GLDC: variants seen among roughly 807,000 people sequenced by gnomAD.
GLDC encodes the protein glycine dehydrogenase (decarboxylating), mitochondrial.
A neutral mutation model predicts 121.3 loss-of-function variants in GLDC; 104 were observed. The observed-to-expected ratio is 0.86, with a 90% CI of 0.73 to 1.01. The LOEUF (loss-of-function observed/expected upper bound fraction) is 1.01, where lower values mean the gene tolerates loss of function less well. Among genes scored for constraint, GLDC ranks in the 50% least tolerant of loss-of-function variants. The pLI is 0.00. For synonymous variants in GLDC, 546 were observed against 480.6 expected (o/e 1.14, Z -1.78); for missense variants, 1,429 against 1,306.6 (o/e 1.09, Z -1.44).
rs1383581989 is a variant in GLDC at position 6,595,118 on chromosome 9, G to A, written c.1157C>T (p.Ala386Val). The change falls in exon 9 of 25, where the codon GCC becomes GTC. Residue 386 changes from alanine (A) to valine (V), a missense_variant and splice_region_variant. Coordinates refer to ENST00000321612, the MANE Select transcript of GLDC (RefSeq NM_000170.3). The stretch of plus-strand genomic sequence containing the variant: ...CATGGCAGCCATATTCGCCAAGAGG[G>A]CCTAAAAGATAAGAACATTTAAAGA... The part of the protein sequence containing the change: ...KATSNICTAQ[A>V]LLANMAAMFA... The A allele has an allele frequency of 6.3e-7, 1 of 1,597,270 alleles. No individual in the cohort carries two copies. Among genetic ancestry groups the A allele is most frequent in the Admixed American group, 1.7e-5 (1 of 59,996 alleles).
chr9:6,574,799 T>C (rs560471331), intron 15 of GLDC, among the ~76,000 whole-genome samples: 1 of 152,178 alleles, frequency 6.6e-6, no homozygotes, highest in South Asian at 2.1e-4. Context: ...TTTCTGAAGC[T>C]GCACTAGGCT....
At chr9:6,560,850 T>A (rs1299812236) in intron 16 of GLDC, among the ~76,000 whole-genome samples, 1 of 152,106 alleles carries the variant, frequency 6.6e-6, no homozygotes, top group Non-Finnish European at 1.5e-5. Flanking sequence ...TAAAGAAAGA[T>A]CTTGAGATGG....
intron 2 of GLDC, chr9:6,639,668 A>AAAAAAAAATATATATATATATATATATAT: frequency 4.1e-6 from 1 of 244,954 alleles, no homozygotes; most frequent in African/African-American, 5.2e-5. Context: ...ATAAAAAAAA[A>AAAAAAAAATATATATATATATATATATAT]GTATATATAT....
At chr9:6,534,911 A>G (rs1033159414) in intron 23 of GLDC, 123 bp from the exon 24 acceptor site, 1 of 698,208 alleles carries the variant, frequency 1.4e-6, no homozygotes, top group Admixed American at 2.0e-5. Context: ...GTTTTCTTTC[A>G]ATTTAGGGGG....
At chr9:6,644,029 C>CAAAAAAAAAAAAAAAAAAAA (rs531081758) in intron 2 of GLDC, among the ~76,000 whole-genome samples, 2 of 18,334 alleles carry the variant, frequency 1.1e-4, no homozygotes, top group Non-Finnish European at 2.0e-4. Context: ...GATTCTGTCT[C>CAAAAAAAAAAAAAAAAAAAA]AAAAAAAAAA....
intron 15 of GLDC, among the ~76,000 whole-genome samples, chr9:6,568,285 A>G (rs1418153892): frequency 6.6e-6 from 1 of 152,250 alleles, no homozygotes; most frequent in Non-Finnish European, 1.5e-5. Context: ...ATGTGACACA[A>G]GGATTACTAC....
At chr9:6,613,415 C>G (rs895694986) in intron 3 of GLDC, among the ~76,000 whole-genome samples, 2 of 152,042 alleles carry the variant, frequency 1.3e-5, no homozygotes, top group African/African-American at 2.4e-5. Context: ...TCACTTGCAC[C>G]AGGAGTTCGA....
At chr9:6,566,957 C>T (rs968857716) in intron 15 of GLDC, among the ~76,000 whole-genome samples, 9 of 152,042 alleles carry the variant, frequency 5.9e-5, no homozygotes, top group African/African-American at 2.2e-4. Context: ...CAGATGAAGA[C>T]TTGGGTGTGG....
At chr9:6,611,472 C>T (rs1279758487) in intron 3 of GLDC, among the ~76,000 whole-genome samples, 5 of 151,830 alleles carry the variant, frequency 3.3e-5, no homozygotes, top group Non-Finnish European at 7.3e-5. Flanking sequence ...AGGAGAATCG[C>T]TTGAACCCGC....
intron 21 of GLDC, among the ~76,000 whole-genome samples, chr9:6,548,964 A>G (rs1420749234): frequency 6.6e-6 from 1 of 152,120 alleles, no homozygotes; most frequent in East Asian, 1.9e-4. Context: ...CAAACATGGA[A>G]TCCTTTTCCC....
intron 2 of GLDC, among the ~76,000 whole-genome samples, chr9:6,620,951 T>A (rs189997237): frequency 6.6e-6 from 1 of 152,132 alleles, no homozygotes; most frequent in East Asian, 1.9e-4. Context: ...GCGGATCACC[T>A]GAGGTCAGGA....
At chr9:6,606,425 C>A (rs1434595514) in intron 5 of GLDC, among the ~76,000 whole-genome samples, 167 bp downstream of exon 5, 1 of 151,928 alleles carries the variant, frequency 6.6e-6, no homozygotes, top group African/African-American at 2.4e-5. Context: ...CAGAGAGATG[C>A]CCAGAAGAAA....
rs1563825950 is a variant in GLDC, at chr9:6,533,125, CGTT to C, written c.2952_2954del (p.Thr985del). 4 of 1,612,896 alleles carry C rather than the reference CGTT, an allele frequency of 2.5e-6. No individual in the cohort carries two copies. The highest frequency in any genetic ancestry group is 1.7e-5 in the Admixed American group (1 of 60,006). On this transcript the variant is annotated inframe_deletion, in exon 25 of 25. Transcript: ENST00000321612. The stretch of plus-strand genomic sequence containing the variant: ...CATATATGTCATCAATCCGGGCAAT[CGTT>C]GGCCAGAATTTGTTCTCTGGTTTCA...
chr9:6,591,086 C>T (rs1354120181), intron 11 of GLDC, among the ~76,000 whole-genome samples: 3 of 152,184 alleles, frequency 2.0e-5, no homozygotes, highest in South Asian at 2.1e-4. Context: ...TAGCTACTGT[C>T]GGCTCTCTTT....
At position 6,588,419 on chromosome 9, in the gene GLDC, G is replaced by A. The variant is rs546431385; in HGVS notation, c.1689C>T (p.Asn563=). 6.2e-6 allele frequency: 10 copies of A among 1,612,036 alleles called. No homozygotes were observed. Among genetic ancestry groups the A allele is most frequent in the African/African-American group, 1.3e-5 (1 of 74,878 alleles). Residue 563 remains asparagine (N), a synonymous_variant, in exon 14 of 25, where the codon AAC becomes AAT. Transcript: ENST00000321612. ...TACTTACTGCGAGTTCAGACGAACT[G>A]TTCAGTTTCATGGTGCAGGATCCCT... is the stretch of plus-strand genomic sequence containing the variant. ...IPLGSCTMKL[N]SSSELAPITW...
intron 2 of GLDC, among the ~76,000 whole-genome samples, chr9:6,635,373 C>A (rs1819480271): frequency 6.6e-6 from 1 of 152,100 alleles, no homozygotes; most frequent in South Asian, 2.1e-4. Flanking sequence ...ATCCAAAAAC[C>A]AAAAGCTAAG....
chr9:6,641,720 A>G (rs1819633914), intron 2 of GLDC, among the ~76,000 whole-genome samples: 1 of 152,220 alleles, frequency 6.6e-6, no homozygotes, highest in Non-Finnish European at 1.5e-5. Context: ...TAAGCACTAC[A>G]TAAATGTCTG....
intron 3 of GLDC, among the ~76,000 whole-genome samples, chr9:6,610,576 A>C (rs1032051673): frequency 6.6e-6 from 1 of 152,036 alleles, no homozygotes; most frequent in Non-Finnish European, 1.5e-5. Context: ...TTATTTTTCT[A>C]TCTCTCTGGT....
chr9:6,639,198 A>C, intron 2 of GLDC: 2 of 862,772 alleles, frequency 2.3e-6, no homozygotes, highest in Non-Finnish European at 3.9e-6. Flanking sequence ...AGCCAAAGAG[A>C]ATGCTTTAAA....
Sources: gnomAD v4.1 joint callset for allele counts (sites outside exome capture counted in the v4.1 genomes callset) on GRCh38, gnomAD v4.1.1 for gene constraint, MANE v1.5 for transcripts, NCBI Gene and HGNC (gene_info 2026-07-23, HGNC 2026-07-21) for gene names.